The following NAA38 variants were observed in gnomAD, a reference collection of about 807,000 sequenced individuals.
NAA38 encodes LSM domain containing 1.
NAA38 carries 15 observed loss-of-function variants against 12.6 expected under a neutral mutation model. The observed-to-expected ratio is 1.19, with a 90% CI of 0.79 to 1.83. The LOEUF (loss-of-function observed/expected upper bound fraction) is 1.83. Ranked by LOEUF, NAA38 falls within the 40% of genes most tolerant of loss-of-function variation. The pLI is 0.00. For synonymous variants in NAA38, 88 were observed against 69.9 expected, an observed-to-expected ratio of 1.26 and a Z score of -1.29; for missense variants, 183 against 171.7, an observed-to-expected ratio of 1.07 and a Z score of -0.37.
intron 3 of NAA38, chr17:7,863,244 G>A (rs1419139688): frequency 1.3e-5 from 2 of 152,216 alleles, no homozygotes; most frequent in Admixed American, 1.3e-4. Flanking sequence ...TGCATGAGGA[G>A]TATGTAAATA....
upstream of NAA38, chr17:7,859,630 C>A: frequency 6.2e-7 from 1 of 1,608,086 alleles, no homozygotes; most frequent in Non-Finnish European, 8.5e-7. Context: ...GATGTACACT[C>A]GTGTAGACTC....
In NAA38 at chr17:7,866,902, C is replaced by A. The variant is rs149328423; in HGVS notation, c.-65-344G>T. ...GCCCAGAGCAGTCACTCAATAAATA[C>A]AGAATGAACAAATATTTGGTGAATG... On this transcript the variant is annotated intron_variant, in intron 2 of 4. Coordinates refer to the NAA38 transcript ENST00000576861. 4.0e-4 allele frequency among the ~76,000 whole-genome samples: 61 copies of A among 152,266 alleles called. No individual in the cohort carries two copies. The East Asian group carries it at 0.012, about 29-fold the overall frequency.
intron 2 of NAA38, among the ~76,000 whole-genome samples, chr17:7,879,223 T>A (rs1967227697): frequency 6.6e-6 from 1 of 152,152 alleles, no homozygotes. Context: ...ATCACTGACC[T>A]ACATATTTCA....
chr17:7,871,594 C>T (rs866027635), intron 2 of NAA38, among the ~76,000 whole-genome samples: 6 of 152,124 alleles, frequency 3.9e-5, no homozygotes, highest in Non-Finnish European at 8.8e-5. Flanking sequence ...AGCCAGTACC[C>T]GACCCCAGCA....
intron 2 of NAA38, among the ~76,000 whole-genome samples, chr17:7,875,652 A>G (rs1408042112): frequency 1.3e-5 from 2 of 152,210 alleles, no homozygotes; most frequent in Non-Finnish European, 2.9e-5. Context: ...TATTAAAAAG[A>G]AATTCAGATA....
intron 3 of NAA38, chr17:7,866,191 A>G (rs961168492): frequency 1.1e-5 from 2 of 185,818 alleles, no homozygotes; most frequent in African/African-American, 5.4e-5. Flanking sequence ...GGTTCACGCC[A>G]TTCTCCTGCC....
chr17:7,877,134 C>T (rs955159554), intron 2 of NAA38: 2 of 332,644 alleles, frequency 6.0e-6, no homozygotes, highest in Non-Finnish European at 1.2e-5. Context: ...CAGTTGCTAA[C>T]GTAATCAATG....
chr17:7,859,548 T>C, upstream of NAA38: 1 of 1,614,204 alleles, frequency 6.2e-7, no homozygotes, highest in Non-Finnish European at 8.5e-7. Flanking sequence ...TATCTCAGTA[T>C]GGACGGTACA....
In NAA38 at chr17:7,857,235, C is replaced by T. The variant is rs192925458; in HGVS notation, c.82-37G>A. The T allele has an allele frequency of 1.1e-5, 18 of 1,610,762 alleles. No homozygotes were observed. In the East Asian group the frequency reaches 4.0e-4, roughly 36 times the overall value. On this transcript the variant is annotated intron_variant, in intron 1 of 2. Transcript: ENST00000575771. ...GTAACAAGCGCTCAGACCGCGCAGC[C>T]CAGGCTGCCCGCCCGCGGAACCACA...
intron 2 of NAA38, among the ~76,000 whole-genome samples, chr17:7,875,953 C>CTTA (rs1967167926): frequency 6.6e-6 from 1 of 152,190 alleles, no homozygotes; most frequent in Non-Finnish European, 1.5e-5. Flanking sequence ...GTTCATCCAT[C>CTTA]TTATAGCATG....
chr17:7,871,278 A>G (rs745956959), intron 2 of NAA38, among the ~76,000 whole-genome samples: 4 of 152,162 alleles, frequency 2.6e-5, no homozygotes, highest in Non-Finnish European at 5.9e-5. Context: ...CTGTTTTCTC[A>G]TCTGTAAAAT....
chr17:7,857,581 C>T (rs533226025), upstream of NAA38: 67 of 1,393,440 alleles, frequency 4.8e-5, no homozygotes, highest in Non-Finnish European at 5.4e-5. Flanking sequence ...TCTCCTCCCC[C>T]TCCTAGTCTC....
chr17:7,876,766 A>T (rs551927514), intron 2 of NAA38, among the ~76,000 whole-genome samples: 1 of 152,132 alleles, frequency 6.6e-6, no homozygotes, highest in East Asian at 1.9e-4. Context: ...CAATCTCTTG[A>T]TCACTAAAAA....
At chr17:7,864,438 AGAG>A (rs1293077526) in intron 3 of NAA38, 6 of 152,334 alleles carry the variant, frequency 3.9e-5, no homozygotes, top group African/African-American at 1.4e-4. Flanking sequence ...CTCCTGCCTC[AGAG>A]TAGCACCACC....
intron 2 of NAA38, among the ~76,000 whole-genome samples, chr17:7,866,973 C>G (rs1407224913): frequency 6.6e-6 from 1 of 152,148 alleles, no homozygotes; most frequent in Non-Finnish European, 1.5e-5. Flanking sequence ...GAACCTAACC[C>G]AGTTCGGGGG....
chr17:7,883,605 A>C (rs1028535395), intron 1 of NAA38, among the ~76,000 whole-genome samples: 1 of 152,172 alleles, frequency 6.6e-6, no homozygotes, highest in Non-Finnish European at 1.5e-5. Flanking sequence ...ATCTATTCAT[A>C]TCTCTCCCCC....
At chr17:7,866,236 G>T (rs1338551505) in intron 3 of NAA38, among the ~76,000 whole-genome samples, 1 of 143,672 alleles carries the variant, frequency 7.0e-6, no homozygotes, top group African/African-American at 2.6e-5. Context: ...ACAGATGCCC[G>T]CCACCAAGCC....
intron 1 of NAA38, chr17:7,884,893 C>CGAGGAGGAG (rs770383628): frequency 6.2e-6 from 8 of 1,280,720 alleles, no homozygotes; most frequent in Admixed American, 2.7e-5. Flanking sequence ...AAGAGGGCGA[C>CGAGGAGGAG]GAGGAGGAGG....
chr17:7,865,609 G>T (rs1160773703), intron 3 of NAA38: 1 of 152,220 alleles, frequency 6.6e-6, no homozygotes, highest in Non-Finnish European at 1.5e-5. Context: ...AGAGGAAGCT[G>T]AATCATATGA....
Sources: gnomAD v4.1 joint callset for allele counts (sites outside exome capture counted in the v4.1 genomes callset) on GRCh38, gnomAD v4.1.1 for gene constraint, MANE v1.5 for transcripts, NCBI Gene and HGNC (gene_info 2026-07-23, HGNC 2026-07-21) for gene names.